Variants in TCF4 observed in about 807,000 individuals in gnomAD.
TCF4 encodes SL3-3 enhancer factor 2.
A neutral mutation model predicts 82.1 loss-of-function variants in TCF4; 3 were observed. The observed-to-expected ratio is 0.04, with a 90% confidence interval of 0.02 to 0.09. TCF4 has a LOEUF of 0.09. Ranked by LOEUF, TCF4 falls within the 10% of genes least tolerant of loss-of-function variation. The pLI, the probability that TCF4 is intolerant of heterozygous loss-of-function variation, is 1.00. For missense variants in TCF4, 518 were observed against 852.7 expected, an observed-to-expected ratio of 0.61 and a Z score of 4.89; for synonymous variants, 276 against 309.6, an observed-to-expected ratio of 0.89 and a Z score of 1.14.
At chr18:55,401,863 C>T (rs1342171826) in intron 6 of TCF4, 23 of 885,188 alleles carry the variant, frequency 2.6e-5, no homozygotes, top group Non-Finnish European at 3.1e-5. Flanking sequence ...GAGACCTCTG[C>T]CATGACCATC....
intron 3 of TCF4, among the ~76,000 whole-genome samples, chr18:55,505,756 A>G (rs2096750771): frequency 6.8e-6 from 1 of 146,290 alleles, no homozygotes; most frequent in South Asian, 2.2e-4. Flanking sequence ...GTGAGCCGAG[A>G]TCCCGCCACT....
intron 2 of TCF4, among the ~76,000 whole-genome samples, chr18:55,629,894 A>G (rs2097729976): frequency 6.6e-6 from 1 of 152,192 alleles, no homozygotes; most frequent in Non-Finnish European, 1.5e-5. Context: ...CTAAGTGCTT[A>G]AGGTCAAAGT....
chr18:55,517,004 GACTATT>G (rs1384158819), intron 3 of TCF4, among the ~76,000 whole-genome samples: 1 of 152,194 alleles, frequency 6.6e-6, no homozygotes, highest in African/African-American at 2.4e-5. Flanking sequence ...CCAGTTAGCA[GACTATT>G]ACCAGAGTGC....
chr18:55,635,508 CAAA>C (rs1277113038), intron 1 of TCF4, among the ~76,000 whole-genome samples: 3 of 111,978 alleles, frequency 2.7e-5, no homozygotes, highest in African/African-American at 3.3e-5. Flanking sequence ...GGCCCTGTCT[CAAA>C]AAAAAAAAAA....
chr18:55,279,002 C>T (rs2062001410), intron 9 of TCF4, among the ~76,000 whole-genome samples: 2 of 152,166 alleles, frequency 1.3e-5, no homozygotes, highest in African/African-American at 2.4e-5. Context: ...TCTTCTCCCC[C>T]AAAAGTTGGG....
chr18:55,609,914 T>C (rs200699990), intron 2 of TCF4, among the ~76,000 whole-genome samples: 2 of 79,520 alleles, frequency 2.5e-5, no homozygotes, highest in African/African-American at 6.0e-5. Flanking sequence ...ACTCACCCCC[T>C]GTTTGTTTTC....
intron 3 of TCF4, among the ~76,000 whole-genome samples, chr18:55,506,584 C>A (rs996527856): frequency 1.2e-4 from 18 of 151,978 alleles, no homozygotes; most frequent in African/African-American, 4.1e-4. Flanking sequence ...ATACATACCC[C>A]ACACACAAAA....
At chr18:55,486,267 G>A (rs1488245793) in intron 3 of TCF4, among the ~76,000 whole-genome samples, 1 of 152,322 alleles carries the variant, frequency 6.6e-6, no homozygotes, top group African/African-American at 2.4e-5. Flanking sequence ...GGAGACGGAA[G>A]TTTCCTTGAA....
chr18:55,568,499 C>T (rs897267748), intron 3 of TCF4, among the ~76,000 whole-genome samples: 1 of 151,460 alleles, frequency 6.6e-6, no homozygotes, highest in Non-Finnish European at 1.5e-5. Context: ...TATATGTATA[C>T]AACACACACA....
intron 6 of TCF4, among the ~76,000 whole-genome samples, chr18:55,363,008 T>C (rs771001753): frequency 5.3e-5 from 8 of 152,156 alleles, no homozygotes; most frequent in Non-Finnish European, 1.2e-4. Context: ...ATAAATGTGA[T>C]TGGATGACTC....
At chr18:55,596,205 G>A (rs1366812815) in intron 2 of TCF4, 2 of 364,130 alleles carry the variant, frequency 5.5e-6, no homozygotes, top group African/African-American at 2.2e-5. Context: ...ACTCCGGTCT[G>A]GATGACAGAA....
chr18:55,433,651 C>T (rs2095258952), intron 5 of TCF4, among the ~76,000 whole-genome samples: 1 of 152,222 alleles, frequency 6.6e-6, no homozygotes, highest in Non-Finnish European at 1.5e-5. Flanking sequence ...CAAATATACC[C>T]AACTGTGTGT....
intron 5 of TCF4, among the ~76,000 whole-genome samples, chr18:55,439,481 C>A (rs564053928): frequency 6.6e-6 from 1 of 152,248 alleles, no homozygotes; most frequent in South Asian, 2.1e-4. Context: ...GAAGTGACTT[C>A]AAAAACCCTC....
Position 55,562,044 on chromosome 18 carries a change from G to A in TCF4, c.145+23236C>T, listed in dbSNP as rs563453244. Among the ~76,000 whole-genome samples, 3 of 152,232 alleles carry A rather than the reference G, an allele frequency of 2.0e-5. No homozygotes were observed. In the East Asian group the frequency reaches 5.8e-4, roughly 29 times the overall value. On this transcript the variant is annotated intron_variant, in intron 3 of 19. Coordinates refer to ENST00000354452, the MANE Select transcript of TCF4 (RefSeq NM_001083962.2). ...GGGTCTACAAACTACAGTCCCCTGG[G>A]CAAAATACAACTACTGTCTGTTTTG... is the stretch of plus-strand genomic sequence containing the variant.
At chr18:55,345,790 C>T (rs1230520395) in intron 8 of TCF4, among the ~76,000 whole-genome samples, 1 of 152,040 alleles carries the variant, frequency 6.6e-6, no homozygotes, top group Non-Finnish European at 1.5e-5. Context: ...TATCATATTT[C>T]AATAAAACTT....
intron 2 of TCF4, among the ~76,000 whole-genome samples, chr18:55,605,755 G>A (rs1293789704): frequency 6.6e-6 from 1 of 152,226 alleles, no homozygotes; most frequent in Non-Finnish European, 1.5e-5. Flanking sequence ...TGATGAGGCA[G>A]ATATTAGTAC....
intron 5 of TCF4, chr18:55,404,117 A>G (rs774281255): frequency 3.2e-4 from 275 of 862,564 alleles, no homozygotes; most frequent in Non-Finnish European, 3.9e-4. Flanking sequence ...CTCTGAACCC[A>G]AGTTCAGATT....
intron 3 of TCF4, among the ~76,000 whole-genome samples, chr18:55,524,192 G>C (rs2096957984): frequency 6.6e-6 from 1 of 151,924 alleles, no homozygotes; most frequent in East Asian, 1.9e-4. Flanking sequence ...TGTAGAACAG[G>C]CAGCTCTTCT....
chr18:55,627,250 A>G (rs559692342), intron 2 of TCF4, among the ~76,000 whole-genome samples: 11 of 152,188 alleles, frequency 7.2e-5, no homozygotes, highest in Non-Finnish European at 1.3e-4. Flanking sequence ...GTTTTTGTCA[A>G]CAAACATATT....
Sources: gnomAD v4.1 joint callset for allele counts (sites outside exome capture counted in the v4.1 genomes callset) on GRCh38, gnomAD v4.1.1 for gene constraint, MANE v1.5 for transcripts, NCBI Gene and HGNC (gene_info 2026-07-23, HGNC 2026-07-21) for gene names.